The following TNNI3K variants were observed in gnomAD, a reference collection of about 807,000 sequenced individuals.
TNNI3K encodes the protein serine/threonine-protein kinase TNNI3K.
In TNNI3K, 140 loss-of-function variants were observed where a neutral mutation model predicts 114.5. The ratio of observed to expected loss-of-function variants is 1.22; its 90% confidence interval spans 1.07 to 1.41. The LOEUF is 1.41. TNNI3K is among the 40% of genes most tolerant of loss of function. The pLI, the probability that TNNI3K is intolerant of heterozygous loss-of-function variation, is 0.00. For synonymous variants in TNNI3K, 347 were observed against 347.5 expected, an observed-to-expected ratio of 1.00 and a Z score of 0.02; for missense variants, 1,125 against 1,007.6, an observed-to-expected ratio of 1.12 and a Z score of -1.58.
chr1:74,439,538 A>G lies in TNNI3K; in HGVS notation c.1927A>G (p.Thr643Ala), dbSNP rs755986609. 1 of 1,613,518 alleles carries G rather than the reference A, an allele frequency of 6.2e-7. No individual in the cohort carries two copies. The highest frequency in any genetic ancestry group is 1.1e-5 in the South Asian group (1 of 91,072). ...GGTGTTCACGCAGTGCACTCGGTAC[A>G]CCATCAAAGCAGATGTCTTCAGCTA... ...PEVFTQCTRY[T>A]IKADVFSYAL... The change falls in exon 20 of 25, where the codon ACC becomes GCC. Residue 643 changes from threonine to alanine, a missense_variant. Thr to Ala is a moderately conservative substitution (Grantham distance 58). Transcript: ENST00000326637.
intron 24 of TNNI3K, 25 bp from the exon 25 acceptor site, chr1:74,543,881 C>A (rs750100393): frequency 1.9e-6 from 3 of 1,613,250 alleles, no homozygotes; most frequent in South Asian, 2.2e-5. Context: ...TAGTAAGTAA[C>A]AACTGAACTT....
At chr1:74,271,206 G>GA (rs1475999877) in intron 4 of TNNI3K, among the ~76,000 whole-genome samples, 1 of 151,382 alleles carries the variant, frequency 6.6e-6, no homozygotes, top group South Asian at 2.1e-4. Context: ...ATCTCTAAAA[G>GA]AAAAAAAATA....
intron 17 of TNNI3K, among the ~76,000 whole-genome samples, chr1:74,419,669 T>A (rs1358832378): frequency 3.3e-5 from 5 of 152,100 alleles, no homozygotes; most frequent in African/African-American, 1.2e-4. Context: ...AACTAGATAT[T>A]CAGCATATAT....
At chr1:74,318,551 T>C (rs941644191) in intron 5 of TNNI3K, among the ~76,000 whole-genome samples, 1 of 152,216 alleles carries the variant, frequency 6.6e-6, no homozygotes, top group Admixed American at 6.5e-5. Context: ...GTTTGAGGAA[T>C]GGATAAATTG....
At chr1:74,260,044 G>T (rs2100869134) in intron 4 of TNNI3K, among the ~76,000 whole-genome samples, 1 of 152,110 alleles carries the variant, frequency 6.6e-6, no homozygotes, top group East Asian at 1.9e-4. Context: ...AATTTCTTCT[G>T]CTTAAATATT....
intron 5 of TNNI3K, among the ~76,000 whole-genome samples, chr1:74,330,808 T>C (rs1660162592): frequency 6.6e-6 from 1 of 152,208 alleles, no homozygotes; most frequent in African/African-American, 2.4e-5. Flanking sequence ...TTCATTCATT[T>C]CTTCAACAAA....
chr1:74,438,670 G>T (rs372836317), intron 19 of TNNI3K, among the ~76,000 whole-genome samples: 2 of 151,972 alleles, frequency 1.3e-5, no homozygotes, highest in African/African-American at 4.8e-5. Flanking sequence ...AGTGTTCTGC[G>T]CCCTAAACTA....
intron 23 of TNNI3K, among the ~76,000 whole-genome samples, chr1:74,505,672 TA>T: frequency 6.6e-6 from 1 of 152,250 alleles, no homozygotes; most frequent in East Asian, 1.9e-4. Context: ...AATTTTCTTG[TA>T]AAAAAACACA....
chr1:74,501,891 C>T (rs1389304786), intron 23 of TNNI3K, among the ~76,000 whole-genome samples: 1 of 151,490 alleles, frequency 6.6e-6, no homozygotes, highest in Non-Finnish European at 1.5e-5. Context: ...TATATATATA[C>T]ATTTTCTTTT....
At chr1:74,524,193 C>A (rs959788155) in intron 23 of TNNI3K, among the ~76,000 whole-genome samples, 1 of 152,202 alleles carries the variant, frequency 6.6e-6, no homozygotes, top group African/African-American at 2.4e-5. Flanking sequence ...CACAGAGTAA[C>A]CATGTAGCAA....
chr1:74,392,339 G>A (rs940035151), intron 17 of TNNI3K, among the ~76,000 whole-genome samples: 1 of 152,164 alleles, frequency 6.6e-6, no homozygotes, highest in African/African-American at 2.4e-5. Context: ...CCTAGCACTT[G>A]GCTTAGGGCC....
chr1:74,480,989 A>G, intron 21 of TNNI3K: 1 of 693,932 alleles, frequency 1.4e-6, no homozygotes, highest in Non-Finnish European at 2.7e-6. Context: ...AAAAGCACAG[A>G]CTAGATGCAG....
At chr1:74,470,371 T>C in intron 21 of TNNI3K, 1 of 400,670 alleles carries the variant, frequency 2.5e-6, no homozygotes, top group Middle Eastern at 3.1e-4. Context: ...AAGCATATTT[T>C]TCTCTTCTTT....
intron 2 of TNNI3K, among the ~76,000 whole-genome samples, chr1:74,239,314 T>C (rs1389107294): frequency 6.6e-6 from 1 of 152,136 alleles, no homozygotes; most frequent in Non-Finnish European, 1.5e-5. Flanking sequence ...AAGAATAGTG[T>C]GCTGAGAATG....
At chr1:74,463,679 G>C (rs1557581942) in intron 21 of TNNI3K, 129 bp downstream of exon 21, 2 of 990,926 alleles carry the variant, frequency 2.0e-6, no homozygotes, top group Non-Finnish European at 3.0e-6. Flanking sequence ...TTTGCCTTCT[G>C]CTCTTTAGTC....
intron 17 of TNNI3K, among the ~76,000 whole-genome samples, chr1:74,411,516 C>G (rs1000644718): frequency 1.3e-5 from 2 of 152,120 alleles, no homozygotes; most frequent in African/African-American, 4.8e-5. Flanking sequence ...CCCCCTCCCC[C>G]ACCCTGACAC....
At chr1:74,440,941 C>A (rs907716825) in intron 20 of TNNI3K, among the ~76,000 whole-genome samples, 4 of 152,038 alleles carry the variant, frequency 2.6e-5, no homozygotes, top group Non-Finnish European at 4.4e-5. Flanking sequence ...TTTGCTTCAT[C>A]CCCTGTGTCA....
At chr1:74,477,765 C>A (rs1408118712) in intron 21 of TNNI3K, among the ~76,000 whole-genome samples, 1 of 152,154 alleles carries the variant, frequency 6.6e-6, no homozygotes, top group East Asian at 1.9e-4. Context: ...GCAAATGAAG[C>A]TTGTAGGCAG....
At chr1:74,351,085 G>A (rs1453354210) in intron 9 of TNNI3K, among the ~76,000 whole-genome samples, 5 of 151,504 alleles carry the variant, frequency 3.3e-5, no homozygotes, top group Non-Finnish European at 7.4e-5. Context: ...AATTTGGCAT[G>A]TTTTTGCAGT....
Sources: gnomAD v4.1 joint callset for allele counts (sites outside exome capture counted in the v4.1 genomes callset) on GRCh38, gnomAD v4.1.1 for gene constraint, MANE v1.5 for transcripts, NCBI Gene and HGNC (gene_info 2026-07-23, HGNC 2026-07-21) for gene names.